Variants in IST1 observed in about 807,000 individuals in gnomAD.
IST1 encodes IST1 homolog.
IST1 carries 23 observed loss-of-function variants against 37.0 expected under a neutral mutation model. That is an observed-to-expected ratio of 0.62 (90% confidence interval 0.45 to 0.88). The LOEUF (loss-of-function observed/expected upper bound fraction) is 0.88. Ranked by LOEUF, IST1 falls within the 40% of genes least tolerant of loss-of-function variation. The probability of loss-of-function intolerance (pLI) is 0.00; values close to 1 mark genes in which losing one functional copy is unlikely to be tolerated. For missense variants in IST1, 488 were observed against 445.4 expected (o/e 1.10, Z -0.86); for synonymous variants, 180 against 161.7 (o/e 1.11, Z -0.86).
chr16:71,908,175 C>G (rs565876236), intron 1 of IST1, among the ~76,000 whole-genome samples: 1 of 152,070 alleles, frequency 6.6e-6, no homozygotes, highest in South Asian at 2.1e-4. Flanking sequence ...AACTCCTGAC[C>G]TCACGATCCA....
At chr16:71,908,206 T>C (rs2037269989) in intron 1 of IST1, among the ~76,000 whole-genome samples, 2 of 151,642 alleles carry the variant, frequency 1.3e-5, no homozygotes, top group Admixed American at 6.6e-5. Context: ...CCTCCCAAAG[T>C]GCTGGGATTA....
At chr16:71,917,485 A>C (rs2037490388) in intron 4 of IST1, among the ~76,000 whole-genome samples, 1 of 152,216 alleles carries the variant, frequency 6.6e-6, no homozygotes, top group African/African-American at 2.4e-5. Context: ...AATTCCACAA[A>C]TATTTATTAA....
intron 9 of IST1, among the ~76,000 whole-genome samples, chr16:71,927,227 C>T (rs927543944): frequency 2.0e-5 from 3 of 152,066 alleles, no homozygotes; most frequent in Non-Finnish European, 2.9e-5. Context: ...TAGCCAGATG[C>T]GGTGGCTCAC....
Position 71,927,876 on chromosome 16 carries a change from CAAA to C in IST1, c.*64_*66del. 8.9e-7 allele frequency: 1 copy of C among 1,124,214 alleles called. No individual in the cohort carries two copies. The highest frequency in any genetic ancestry group is 1.3e-6 in the Non-Finnish European group (1 of 747,742). The allele number at this position is 1,124,214 out of a possible 1,614,324, so 69.6% of individuals were successfully genotyped here. A position where few individuals can be genotyped will look rare whatever the true frequency, so the allele number is the denominator to read the frequency against. On this transcript the variant is annotated 3_prime_UTR_variant, in exon 10 of 10. Coordinates refer to ENST00000378799, the MANE Select transcript of IST1 (RefSeq NM_001270975.2). ...GAGACTGAGCAATTTCTCCTTGTAA[CAAA>C]GAATCTCCATGAAATTCTGTTTCAT...
chr16:71,924,738 G>A, intron 8 of IST1, 31 bp from the exon 9 acceptor site: 1 of 1,559,038 alleles, frequency 6.4e-7, no homozygotes, highest in Non-Finnish European at 8.9e-7. Flanking sequence ...CACTATTGCT[G>A]TCTCCTCTGG....
At chr16:71,895,100 A>AG (rs549214564), upstream of IST1, 27 of 368,764 alleles carry the variant, frequency 7.3e-5, no homozygotes, top group South Asian at 7.6e-4. Flanking sequence ...CGCTCCACCC[A>AG]GGGGGAAAGT....
At chr16:71,904,647 G>C (rs957043479) in intron 1 of IST1, among the ~76,000 whole-genome samples, 2 of 152,080 alleles carry the variant, frequency 1.3e-5, no homozygotes, top group Non-Finnish European at 2.9e-5. Context: ...GAGCTCCAGC[G>C]ATCCTCCCAC....
chr16:71,912,649 C>T (rs1281786057), intron 1 of IST1, among the ~76,000 whole-genome samples: 1 of 152,224 alleles, frequency 6.6e-6, no homozygotes, highest in African/African-American at 2.4e-5. Flanking sequence ...ACCAACTTGC[C>T]TGTTTCTAAG....
chr16:71,912,618 C>T (rs1218398924), intron 1 of IST1, among the ~76,000 whole-genome samples: 2 of 152,198 alleles, frequency 1.3e-5, no homozygotes, highest in African/African-American at 2.4e-5. Flanking sequence ...TGGTGAAGAA[C>T]ACATGGCAAC....
Position 71,930,309 on chromosome 16 carries a change from G to T in IST1, c.*2496G>T, listed in dbSNP as rs537896615. 2.1e-6 allele frequency: 2 copies of T among 937,562 alleles called. No individual in the cohort carries two copies. Among genetic ancestry groups the T allele is most frequent in the Admixed American group, 3.4e-5 (1 of 29,302 alleles). 58.1% of individuals were successfully genotyped at this position (937,562 alleles called of 1,614,324 possible). On this transcript the variant is annotated 3_prime_UTR_variant, in exon 10 of 10. Coordinates refer to ENST00000378799, the MANE Select transcript of IST1 (RefSeq NM_001270975.2). ...CTTATCCGAAGGAAACTTAGGGAGA[G>T]AGTCAAAAGATAATAAGAAGGAAAA...
intron 1 of IST1, among the ~76,000 whole-genome samples, chr16:71,898,978 A>G (rs1018817524): frequency 3.6e-4 from 54 of 151,954 alleles, no homozygotes; most frequent in Non-Finnish European, 5.6e-4. Flanking sequence ...AAAAAAAAAA[A>G]AAAAAGAAAC....
chr16:71,912,751 A>AT (rs2037385895), intron 1 of IST1, among the ~76,000 whole-genome samples: 1 of 152,196 alleles, frequency 6.6e-6, no homozygotes, highest in South Asian at 2.1e-4. Context: ...CTCATTAAAC[A>AT]ATTCCCTGTT....
chr16:71,898,006 G>A (rs1289128111), intron 1 of IST1, among the ~76,000 whole-genome samples: 1 of 152,144 alleles, frequency 6.6e-6, no homozygotes, highest in African/African-American at 2.4e-5. Context: ...CAAGGTTTTA[G>A]ACTGTAACAA....
chr16:71,930,106 A>G lies in IST1; in HGVS notation c.*2293A>G, dbSNP rs919009861. The G allele has an allele frequency of 1.9e-6, 3 of 1,551,558 alleles. No homozygotes were observed. Among genetic ancestry groups the G allele is most frequent in the Non-Finnish European group, 2.6e-6 (3 of 1,146,944 alleles). On this transcript the variant is annotated 3_prime_UTR_variant, in exon 10 of 10. Coordinates refer to ENST00000378799, the MANE Select transcript of IST1 (RefSeq NM_001270975.2). ...CCATGAGAATGGCCGAAACGAAAAG[A>G]TTAATTACCACAAGTACCATCAAGA...
chr16:71,921,486 G>GT lies in IST1; in HGVS notation c.552+36dup. 2.2e-6 allele frequency: 3 copies of GT among 1,344,304 alleles called. No homozygotes were observed. In the East Asian group the frequency reaches 6.9e-5, roughly 31 times the overall value. The allele number at this position is 1,344,304 out of a possible 1,614,324, so 83.3% of individuals were successfully genotyped here. A position where few individuals can be genotyped will look rare whatever the true frequency, so the allele number is the denominator to read the frequency against. On this transcript the variant is annotated intron_variant, in intron 6 of 9. Coordinates refer to ENST00000378799, the MANE Select transcript of IST1 (RefSeq NM_001270975.2). ...TATCCCAGAATACAAAGAAAAATGA[G>GT]TTTGTAGGTATGACCTTCTTTGGAA...
At chr16:71,916,139 A>G (rs969239205) in intron 2 of IST1, among the ~76,000 whole-genome samples, 1 of 152,152 alleles carries the variant, frequency 6.6e-6, no homozygotes, top group Admixed American at 6.6e-5. Context: ...CCCTGGGATC[A>G]TATCTTTTAA....
chr16:71,909,158 G>A (rs1469916240), intron 1 of IST1, among the ~76,000 whole-genome samples: 2 of 138,272 alleles, frequency 1.4e-5, no homozygotes, highest in South Asian at 4.7e-4. Context: ...GGAGTGCAGT[G>A]TCATGAACAT....
At chr16:71,894,976 A>G (rs1033552998), upstream of IST1, 8 of 739,996 alleles carry the variant, frequency 1.1e-5, no homozygotes, top group Non-Finnish European at 1.8e-5. Context: ...ATGCTGGTCC[A>G]AAGGGCAACC....
At chr16:71,924,911 C>A in intron 9 of IST1, 94 bp downstream of exon 9, 9 of 851,620 alleles carry the variant, frequency 1.1e-5, no homozygotes, top group Non-Finnish European at 1.6e-5. Context: ...GTTTCCATGT[C>A]CATGGACTTC....
Sources: gnomAD v4.1 joint callset for allele counts (sites outside exome capture counted in the v4.1 genomes callset) on GRCh38, gnomAD v4.1.1 for gene constraint, MANE v1.5 for transcripts, NCBI Gene and HGNC (gene_info 2026-07-23, HGNC 2026-07-21) for gene names.